Variants in MBD5 observed in about 807,000 individuals in gnomAD.
MBD5 encodes the protein methyl-CpG-binding domain protein 5.
In MBD5, 13 loss-of-function variants were observed where a neutral mutation model predicts 117.3. That is an observed-to-expected ratio of 0.11 (90% confidence interval 0.07 to 0.18). The LOEUF (loss-of-function observed/expected upper bound fraction) is 0.18, where lower values mean the gene tolerates loss of function less well. Among genes scored for constraint, MBD5 ranks in the 10% least tolerant of loss-of-function variants. The pLI is 1.00. For missense variants in MBD5, 1,879 were observed against 2,093.8 expected, an observed-to-expected ratio of 0.90 and a Z score of 2.00; for synonymous variants, 727 against 766.4, an observed-to-expected ratio of 0.95 and a Z score of 0.85.
chr2:148,472,189 C>T (rs1680819175), intron 8 of MBD5: 1 of 151,920 alleles, frequency 6.6e-6, no homozygotes, highest in Non-Finnish European at 1.5e-5. Context: ...CTGTTTTGGT[C>T]ATTTATTTTT....
intron 2 of MBD5, among the ~76,000 whole-genome samples, chr2:148,224,500 G>A (rs1029244967): frequency 3.5e-5 from 5 of 141,964 alleles, no homozygotes; most frequent in South Asian, 4.4e-4. Context: ...ACGTTGCCAC[G>A]CCTGGCTAAT....
intron 3 of MBD5, among the ~76,000 whole-genome samples, chr2:148,314,667 C>A (rs1033675500): frequency 6.6e-6 from 1 of 151,970 alleles, no homozygotes; most frequent in African/African-American, 2.4e-5. Flanking sequence ...CGAGATCCAG[C>A]GCATTCAGGG....
At chr2:148,100,342 A>G (rs190619145) in intron 1 of MBD5, among the ~76,000 whole-genome samples, 4 of 152,208 alleles carry the variant, frequency 2.6e-5, no homozygotes, top group African/African-American at 9.6e-5. Flanking sequence ...AGATTTTCCT[A>G]TAAGTTCAAA....
rs190866158 is a variant in MBD5 at position 148,131,133 on chromosome 2, A to G, written c.-924-47567A>G. Among the ~76,000 whole-genome samples the G allele has an allele frequency of 3.5e-3, 533 of 152,330 alleles. 2 individuals carry two copies. The highest frequency in any genetic ancestry group is 5.3e-3 in the Non-Finnish European group (363 of 68,018). The stretch of plus-strand genomic sequence containing the variant: ...CAACTAATGCAATGATTAATTGTCC[A>G]TATTCTAAGATAGAAATTAATGAGG... On this transcript the variant is annotated intron_variant, in intron 1 of 13. Coordinates refer to ENST00000642680, the MANE Select transcript of MBD5 (RefSeq NM_001378120.1).
chr2:148,223,647 CT>C (rs1368911012), intron 2 of MBD5, among the ~76,000 whole-genome samples: 3 of 145,886 alleles, frequency 2.1e-5, no homozygotes, highest in Non-Finnish European at 3.0e-5. Context: ...GATCCTCTCT[CT>C]TTTTTTCCTA....
At chr2:148,206,310 A>C (rs1699281716) in intron 2 of MBD5, among the ~76,000 whole-genome samples, 1 of 152,168 alleles carries the variant, frequency 6.6e-6, no homozygotes, top group Non-Finnish European at 1.5e-5. Flanking sequence ...CAAGAGAAAA[A>C]TTAATGTAAG....
At chr2:148,273,364 A>G (rs1701029197) in intron 3 of MBD5, among the ~76,000 whole-genome samples, 1 of 152,174 alleles carries the variant, frequency 6.6e-6, no homozygotes, top group Non-Finnish European at 1.5e-5. Flanking sequence ...AGTTAAAACT[A>G]TGGTTCACGA....
chr2:148,400,231 A>AT lies in MBD5; in HGVS notation c.-557+57904dup, dbSNP rs766428283. ...ACTTTTTCTTTTTTACTTTTTTTAA[A>AT]TTTTTTTTTCAGTAATATGGTATTC... On this transcript the variant is annotated intron_variant, in intron 4 of 13. Coordinates refer to ENST00000642680, the MANE Select transcript of MBD5 (RefSeq NM_001378120.1). Among the ~76,000 whole-genome samples, 71 of 151,248 alleles carry AT rather than the reference A, an allele frequency of 4.7e-4. 1 individual carries two copies. The East Asian group carries it at 0.01, about 22-fold the overall frequency.
chr2:148,232,779 G>A (rs1425036521), intron 2 of MBD5, among the ~76,000 whole-genome samples: 1 of 151,858 alleles, frequency 6.6e-6, no homozygotes, highest in African/African-American at 2.4e-5. Context: ...TGCGTGAATG[G>A]TATGCTATGA....
At chr2:148,500,170 A>C (rs1681827829) in intron 11 of MBD5, among the ~76,000 whole-genome samples, 1 of 152,166 alleles carries the variant, frequency 6.6e-6, no homozygotes, top group Non-Finnish European at 1.5e-5. Context: ...AGCATAAAAA[A>C]ATTGAATATA....
intron 1 of MBD5, among the ~76,000 whole-genome samples, chr2:148,066,639 G>A (rs575722801): frequency 2.6e-5 from 4 of 151,900 alleles, no homozygotes; most frequent in South Asian, 2.1e-4. Context: ...CACCATGCCC[G>A]GCTAATTTTT....
intron 1 of MBD5, among the ~76,000 whole-genome samples, chr2:148,083,500 T>C (rs935171999): frequency 2.6e-5 from 4 of 152,122 alleles, no homozygotes; most frequent in African/African-American, 7.2e-5. Flanking sequence ...AAATATAATA[T>C]GTATATTATT....
Position 148,328,636 on chromosome 2 carries a change from A to C in MBD5, c.-679-13578A>C, listed in dbSNP as rs1004454539. Reference sequence around the variant, plus strand: ...CCCTCTGTCACCACTTTCTTTGACTAGGAAAGGGAACTCCCTGACCCCTTG... The same window carrying C: ...CCCTCTGTCACCACTTTCTTTGACTCGGAAAGGGAACTCCCTGACCCCTTG... On this transcript the variant is annotated intron_variant, in intron 3 of 13. Transcript: ENST00000642680. Among the ~76,000 whole-genome samples, 7 of 152,334 alleles carry C rather than the reference A, an allele frequency of 4.6e-5. No individual in the cohort carries two copies. The East Asian group carries it at 9.6e-4, about 21-fold the overall frequency.
chr2:148,422,373 A>G (rs1043201550), intron 4 of MBD5, among the ~76,000 whole-genome samples: 19 of 152,174 alleles, frequency 1.2e-4, no homozygotes, highest in African/African-American at 4.6e-4. Context: ...TAACAAACAG[A>G]AAGGAATAGC....
chr2:148,160,152 C>T (rs1307922578), intron 1 of MBD5, among the ~76,000 whole-genome samples: 2 of 151,998 alleles, frequency 1.3e-5, no homozygotes. Context: ...GTAATCCCAG[C>T]ACTTTGGGAG....
At chr2:148,448,633 G>A (rs1296692103) in intron 4 of MBD5, among the ~76,000 whole-genome samples, 1 of 151,840 alleles carries the variant, frequency 6.6e-6, no homozygotes, top group Non-Finnish European at 1.5e-5. Context: ...GAATTGAAGA[G>A]TGCTAAGTAT....
chr2:148,092,756 A>G (rs1037251131), intron 1 of MBD5, among the ~76,000 whole-genome samples: 1 of 151,946 alleles, frequency 6.6e-6, no homozygotes, highest in Non-Finnish European at 1.5e-5. Context: ...AGAAATCTCC[A>G]TTAAAGAACT....
chr2:148,424,495 G>A (rs112335710), intron 4 of MBD5, among the ~76,000 whole-genome samples: 3 of 151,290 alleles, frequency 2.0e-5, no homozygotes, highest in Admixed American at 2.0e-4. Context: ...AATTAACAAG[G>A]ATATTCAGGA....
chr2:148,504,325 A>C (rs1021445460), intron 12 of MBD5, among the ~76,000 whole-genome samples: 2 of 152,216 alleles, frequency 1.3e-5, no homozygotes, highest in African/African-American at 4.8e-5. Context: ...AATGCTTTAC[A>C]TTTTGCACAT....
Sources: gnomAD v4.1 joint callset for allele counts (sites outside exome capture counted in the v4.1 genomes callset) on GRCh38, gnomAD v4.1.1 for gene constraint, MANE v1.5 for transcripts, NCBI Gene and HGNC (gene_info 2026-07-23, HGNC 2026-07-21) for gene names.